The following ARHGAP22 variants were observed in gnomAD, a reference collection of about 807,000 sequenced individuals.
ARHGAP22 encodes the protein rho GTPase-activating protein 22.
Under a neutral mutation model 59.1 loss-of-function variants are expected in ARHGAP22, and 48 were observed. The ratio of observed to expected loss-of-function variants is 0.81; its 90% CI spans 0.64 to 1.03. The LOEUF (loss-of-function observed/expected upper bound fraction) is 1.03, where lower values mean the gene tolerates loss of function less well. ARHGAP22 is among the 50% of genes least tolerant of loss of function. ARHGAP22 has a pLI of 0.00. For missense variants in ARHGAP22, 1,015 were observed against 958.7 expected, an observed-to-expected ratio of 1.06 and a Z score of -0.78; for synonymous variants, 445 against 416.4, an observed-to-expected ratio of 1.07 and a Z score of -0.84.
chr10:48,611,044 G>A (rs897462454), intron 1 of ARHGAP22, among the ~76,000 whole-genome samples: 1 of 152,188 alleles, frequency 6.6e-6, no homozygotes, highest in African/African-American at 2.4e-5. Context: ...TACTCACCTA[G>A]GACTCTTTGA....
In ARHGAP22 at chr10:48,478,669, G is replaced by C. The variant is rs142538872; in HGVS notation, c.451+967C>G. Reference sequence around the variant, plus strand: ...ATGCCATGGTGATCCCATTATGAAAGATCTTTTCATGACCACTTCATATGG... The same window carrying C: ...ATGCCATGGTGATCCCATTATGAAACATCTTTTCATGACCACTTCATATGG... On this transcript the variant is annotated intron_variant, in intron 4 of 9. Coordinates refer to ENST00000249601, the MANE Select transcript of ARHGAP22 (RefSeq NM_021226.4). Among the ~76,000 whole-genome samples, 602 of 152,332 alleles carry C rather than the reference G, an allele frequency of 4.0e-3. 2 individuals carry two copies. The highest frequency in any genetic ancestry group is 6.4e-3 in the Non-Finnish European group (436 of 68,028).
intron 3 of ARHGAP22, among the ~76,000 whole-genome samples, chr10:48,512,805 T>C (rs1380337758): frequency 6.6e-6 from 1 of 152,202 alleles, no homozygotes; most frequent in African/African-American, 2.4e-5. Context: ...ACTGCTTCCT[T>C]GAGACCAAGC....
At chr10:48,517,253 A>G (rs566064708) in intron 3 of ARHGAP22, among the ~76,000 whole-genome samples, 1 of 152,364 alleles carries the variant, frequency 6.6e-6, no homozygotes, top group East Asian at 1.9e-4. Flanking sequence ...TCTATAATAC[A>G]TGAAATACAC....
intron 1 of ARHGAP22, among the ~76,000 whole-genome samples, chr10:48,644,443 A>T (rs929702109): frequency 6.6e-6 from 1 of 152,250 alleles, no homozygotes; most frequent in African/African-American, 2.4e-5. Flanking sequence ...CCCAATCAAC[A>T]TACATAGGGC....
chr10:48,653,347 G>C (rs570901453), upstream of ARHGAP22, among the ~76,000 whole-genome samples: 3 of 152,378 alleles, frequency 2.0e-5, no homozygotes, highest in East Asian at 1.9e-4. Context: ...CTACACCTGG[G>C]CTTGTGGGTG....
chr10:48,455,338 C>A (rs144422393), intron 5 of ARHGAP22, among the ~76,000 whole-genome samples: 1 of 152,186 alleles, frequency 6.6e-6, no homozygotes, highest in African/African-American at 2.4e-5. Flanking sequence ...GGGGCAGGGA[C>A]GACTAAGTAT....
the ARHGAP22 span, chr10:48,431,265 C>T: frequency 6.2e-7 from 1 of 1,609,404 alleles, no homozygotes. Flanking sequence ...CAGCCCTCTC[C>T]TTTAGGTTGG....
chr10:48,457,962 T>G (rs1237744306), intron 5 of ARHGAP22, among the ~76,000 whole-genome samples: 2 of 1,790 alleles, frequency 1.1e-3, no homozygotes, highest in Non-Finnish European at 1.0e-3. Context: ...TGGGGTTGGG[T>G]GGGAAGGGGG....
intron 2 of ARHGAP22, among the ~76,000 whole-genome samples, chr10:48,578,544 GTGTGTGTGTC>G (rs2058906604): frequency 8.9e-6 from 1 of 112,564 alleles, no homozygotes; most frequent in Non-Finnish European, 2.1e-5. Context: ...GTGTGTGTGT[GTGTGTGTGTC>G]TGTGTGTGTG....
chr10:48,449,063 G>C (rs1290708350), intron 9 of ARHGAP22, among the ~76,000 whole-genome samples: 9 of 152,174 alleles, frequency 5.9e-5, no homozygotes, highest in Non-Finnish European at 1.0e-4. Context: ...CAGGCCAGAG[G>C]AGCTCCAGGC....
chr10:48,628,701 GT>G (rs2061531578), intron 1 of ARHGAP22, among the ~76,000 whole-genome samples: 1 of 152,126 alleles, frequency 6.6e-6, no homozygotes, highest in East Asian at 1.9e-4. Flanking sequence ...TGACAATATA[GT>G]CAAAGTATAT....
chr10:48,542,398 A>G (rs1047560833), intron 3 of ARHGAP22, among the ~76,000 whole-genome samples: 2 of 152,084 alleles, frequency 1.3e-5, no homozygotes, highest in African/African-American at 4.8e-5. Context: ...TGAAATTCTT[A>G]ATCATTCTAT....
intron 2 of ARHGAP22, among the ~76,000 whole-genome samples, chr10:48,578,687 G>T (rs201968149): frequency 1.3e-5 from 2 of 149,316 alleles, no homozygotes; most frequent in Non-Finnish European, 3.0e-5. Flanking sequence ...TTTTGAAAAA[G>T]TTTTTTTTTT....
intron 1 of ARHGAP22, among the ~76,000 whole-genome samples, chr10:48,588,927 C>G (rs759079092): frequency 1.3e-5 from 2 of 152,288 alleles, no homozygotes; most frequent in East Asian, 1.9e-4. Context: ...GGCCAGGCCT[C>G]GAAGGATACT....
intron 3 of ARHGAP22, among the ~76,000 whole-genome samples, chr10:48,527,706 T>A (rs1055187697): frequency 8.5e-5 from 13 of 152,208 alleles, no homozygotes; most frequent in African/African-American, 2.2e-4. Context: ...AAAATCAAAT[T>A]TTCTGAACAT....
intron 3 of ARHGAP22, among the ~76,000 whole-genome samples, chr10:48,550,577 A>G (rs2135256023): frequency 6.6e-6 from 1 of 152,352 alleles, no homozygotes; most frequent in African/African-American, 2.4e-5. Flanking sequence ...CTAGCATGGA[A>G]ACAACTAGGA....
intron 3 of ARHGAP22, among the ~76,000 whole-genome samples, chr10:48,544,987 T>G (rs184962411): frequency 4.6e-4 from 70 of 152,326 alleles, no homozygotes; most frequent in African/African-American, 1.7e-3. Flanking sequence ...AAATACCAAT[T>G]TAGACTTGGA....
At chr10:48,517,409 T>G (rs1029719904) in intron 3 of ARHGAP22, among the ~76,000 whole-genome samples, 1 of 152,134 alleles carries the variant, frequency 6.6e-6, no homozygotes, top group Non-Finnish European at 1.5e-5. Flanking sequence ...TTCATTGAGG[T>G]GTTCCCCATT....
At chr10:48,430,829 C>T in the ARHGAP22 span, 2 of 237,008 alleles carry the variant, frequency 8.4e-6, no homozygotes, top group South Asian at 6.3e-5. Context: ...CAGTAAGACA[C>T]GTGGTTCAAG....
Sources: allele counts gnomAD v4.1 joint callset (sites outside exome capture counted in the v4.1 genomes callset), GRCh38; gene constraint gnomAD v4.1.1; transcripts MANE v1.5; gene names NCBI Gene and HGNC (gene_info 2026-07-23, HGNC 2026-07-21).